Variants in INTS7 observed in about 807,000 individuals in gnomAD.
INTS7 encodes integrator complex subunit 7, also known as chromosome 1 open reading frame 73.
A neutral mutation model predicts 109.2 loss-of-function variants in INTS7; 46 were observed. The observed-to-expected ratio is 0.42, with a 90% CI of 0.33 to 0.54. INTS7 has a LOEUF of 0.54. INTS7 is among the 20% of genes least tolerant of loss of function. The pLI is 0.07. For synonymous variants in INTS7, 412 were observed against 402.9 expected (o/e 1.02, Z -0.27); for missense variants, 929 against 1,132.4 (o/e 0.82, Z 2.58).
chr1:211,945,112 C>T, intron 18 of INTS7, 143 bp from the exon 19 acceptor site: 1 of 675,016 alleles, frequency 1.5e-6, no homozygotes, highest in Non-Finnish European at 2.5e-6. Flanking sequence ...TGTGCCAGGA[C>T]AACGAGACAG....
intron 1 of INTS7, among the ~76,000 whole-genome samples, chr1:212,025,335 G>A (rs1178629530): frequency 1.3e-5 from 2 of 152,012 alleles, no homozygotes; most frequent in Non-Finnish European, 2.9e-5. Flanking sequence ...CTAGAGAGAG[G>A]GAACTGACTG....
intron 5 of INTS7, among the ~76,000 whole-genome samples, chr1:212,009,227 C>G (rs1666062530): frequency 6.6e-6 from 1 of 152,180 alleles, no homozygotes; most frequent in Admixed American, 6.5e-5. Context: ...CTCTCTCCTG[C>G]TAATTCCTGT....
At chr1:212,014,830 C>A (rs1416781752) in intron 4 of INTS7, among the ~76,000 whole-genome samples, 1 of 152,232 alleles carries the variant, frequency 6.6e-6, no homozygotes, top group African/African-American at 2.4e-5. Flanking sequence ...CAGACGGAGT[C>A]TCGCTCACTC....
intron 1 of INTS7, among the ~76,000 whole-genome samples, chr1:212,026,666 G>T (rs945431026): frequency 6.6e-6 from 1 of 152,170 alleles, no homozygotes; most frequent in Non-Finnish European, 1.5e-5. Flanking sequence ...AGGTGAGAAG[G>T]AACAGAGATG....
rs76437654 is a variant in INTS7, at chr1:211,980,328, T to C, written c.1230+765A>G. 8.0e-3 allele frequency among the ~76,000 whole-genome samples: 1,217 copies of C among 152,358 alleles called. 17 individuals carry two copies. Among genetic ancestry groups the C allele is most frequent in the African/African-American group, 0.027 (1,143 of 41,586 alleles). ...TTAGACAAGCTAACGCCAATGTTTA[T>C]CTAACAGTTTCTTACTTCTATTAAC... On this transcript the variant is annotated intron_variant, in intron 10 of 19. Transcript: ENST00000366994.
intron 3 of INTS7, among the ~76,000 whole-genome samples, chr1:212,018,955 A>C (rs1666569886): frequency 1.3e-5 from 2 of 152,202 alleles, no homozygotes; most frequent in South Asian, 4.1e-4. Context: ...AAATACCTTA[A>C]ATTTAAATTC....
At chr1:211,973,905 T>C (rs1664286682) in intron 13 of INTS7, among the ~76,000 whole-genome samples, 1 of 152,208 alleles carries the variant, frequency 6.6e-6, no homozygotes, top group Non-Finnish European at 1.5e-5. Flanking sequence ...TCACGCTGTG[T>C]TAATGGCAGA....
intron 2 of INTS7, 32 bp from the exon 3 acceptor site, chr1:212,020,300 T>C (rs1233122194): frequency 8.3e-6 from 11 of 1,331,634 alleles, no homozygotes; most frequent in Non-Finnish European, 1.1e-5. Flanking sequence ...TAGGTCACTT[T>C]AGAAAGTAAT....
intron 7 of INTS7, among the ~76,000 whole-genome samples, chr1:212,002,938 T>A (rs1571894787): frequency 6.6e-6 from 1 of 151,576 alleles, no homozygotes; most frequent in Non-Finnish European, 1.5e-5. Context: ...AAATAGAGAG[T>A]AGAGACAAAT....
chr1:212,008,643 A>C (rs4951561), intron 5 of INTS7, among the ~76,000 whole-genome samples: 48,171 of 152,004 alleles, frequency 0.32, 8,999 homozygotes, highest in Middle Eastern at 0.43. Flanking sequence ...CATCTGCACT[A>C]GGAGGTCTCA....
rs1309869483 is a variant in INTS7 at position 211,959,765 on chromosome 1, G to C, written c.2183+6665C>G. On this transcript the variant is annotated intron_variant, in intron 16 of 19. Transcript: ENST00000366994. This position sits in a 1 kb window ranked among gnomAD's most constrained non-coding sequence, Gnocchi z 4.2. ...AGTGGCTACCTCCACCTACATAAGA[G>C]GGCACACACAGTTCTGTGTCTGCCA... 2.0e-5 allele frequency among the ~76,000 whole-genome samples: 3 copies of C among 152,132 alleles called. No homozygotes were observed. The highest frequency in any genetic ancestry group is 1.9e-4 in the East Asian group (1 of 5,180).
In INTS7 at chr1:211,959,309, C is replaced by T. The variant is rs1331475507; in HGVS notation, c.2184-6608G>A. On this transcript the variant is annotated intron_variant, in intron 16 of 19. Transcript: ENST00000366994. This position sits in a 1 kb window ranked among gnomAD's most constrained non-coding sequence, Gnocchi z 4.2. ...CCTCAAGCCTACAGAGCAGTCTTGA[C>T]GATCAGATGGGGCCAGTCCATCTGG... Among the ~76,000 whole-genome samples the T allele has an allele frequency of 3.3e-5, 5 of 152,302 alleles. No individual in the cohort carries two copies. The highest frequency in any genetic ancestry group is 3.4e-3 in the Middle Eastern group (1 of 294).
chr1:211,971,933 A>G lies in INTS7; in HGVS notation c.1816-3226T>C, dbSNP rs1284218682. Reference sequence around the variant, plus strand: ...TCAGTCTCAAAAAAAAAAAAAAAAAAAAAGAAAAGAAAAGAAAAAGAAAAA... The same window carrying G: ...TCAGTCTCAAAAAAAAAAAAAAAAAGAAAGAAAAGAAAAGAAAAAGAAAAA... On this transcript the variant is annotated intron_variant, in intron 13 of 19. Coordinates refer to ENST00000366994, the MANE Select transcript of INTS7 (RefSeq NM_015434.4). 2.2e-4 allele frequency among the ~76,000 whole-genome samples: 32 copies of G among 145,494 alleles called. 2 individuals are homozygous for G. The highest frequency in any genetic ancestry group is 1.7e-3 in the Admixed American group (25 of 14,750).
Position 212,011,435 on chromosome 1 carries a change from G to C in INTS7, c.510-14C>G. The C allele has an allele frequency of 6.5e-7, 1 of 1,532,648 alleles. No individual in the cohort carries two copies. The highest frequency in any genetic ancestry group is 8.9e-7 in the Non-Finnish European group (1 of 1,121,360). The allele number at this position is 1,532,648 out of a possible 1,614,324, so 94.9% of individuals were successfully genotyped here. A position where few individuals can be genotyped will look rare whatever the true frequency, so the allele number is the denominator to read the frequency against. ...ACAGCAAAATCCCTTTGGAAAAAGA[G>C]AACAGAGAACAGAAAAAACTTACAT... On this transcript the variant is annotated splice_polypyrimidine_tract_variant and intron_variant, in intron 4 of 19. Transcript: ENST00000366994.
chr1:211,951,371 CTA>C (rs1260146864), intron 17 of INTS7, among the ~76,000 whole-genome samples: 18 of 152,208 alleles, frequency 1.2e-4, no homozygotes, highest in Non-Finnish European at 1.5e-5. Context: ...TGCAGTGGCG[CTA>C]TCTCAGCTCA....
rs184720491 is a variant in INTS7 at position 211,993,300 on chromosome 1, A to G, written c.880-5297T>C. Among the ~76,000 whole-genome samples the G allele has an allele frequency of 8.8e-3, 1,346 of 152,382 alleles. 6 individuals carry two copies. The highest frequency in any genetic ancestry group is 0.014 in the Middle Eastern group (4 of 294). On this transcript the variant is annotated intron_variant, in intron 7 of 19. Coordinates refer to ENST00000366994, the MANE Select transcript of INTS7 (RefSeq NM_015434.4). Reference sequence around the variant, plus strand: ...GCTCTCAGAAGAGATAATGCTAAAAATAAAATTTACATCTTTGAGACTATC... The same window carrying G: ...GCTCTCAGAAGAGATAATGCTAAAAGTAAAATTTACATCTTTGAGACTATC...
chr1:211,980,921 G>GT (rs1248557740), intron 10 of INTS7, among the ~76,000 whole-genome samples, 172 bp downstream of exon 10: 1 of 152,070 alleles, frequency 6.6e-6, no homozygotes, highest in Middle Eastern at 3.2e-3. Context: ...CATGTCATCA[G>GT]TTTTTTTGTG....
chr1:211,975,866 C>T (rs1408270764), intron 12 of INTS7, among the ~76,000 whole-genome samples: 1 of 152,086 alleles, frequency 6.6e-6, no homozygotes, highest in African/African-American at 2.4e-5. Context: ...GCTTCTCCCC[C>T]ATTTGAGAAG....
chr1:212,018,871 C>T (rs1428131511), intron 3 of INTS7, among the ~76,000 whole-genome samples: 2 of 152,218 alleles, frequency 1.3e-5, no homozygotes, highest in East Asian at 3.9e-4. Flanking sequence ...CATCTATATA[C>T]ATATATTCAC....
Sources: allele counts gnomAD v4.1 joint callset (sites outside exome capture counted in the v4.1 genomes callset), GRCh38; gene constraint gnomAD v4.1.1; non-coding constraint Gnocchi (gnomAD v3.1); transcripts MANE v1.5; gene names NCBI Gene and HGNC (gene_info 2026-07-23, HGNC 2026-07-21).